The following PALS1 variants were observed in gnomAD, a reference collection of about 807,000 sequenced individuals.
PALS1 encodes protein PALS1.
A neutral mutation model predicts 78.9 loss-of-function variants in PALS1; 31 were observed. That is an observed-to-expected ratio of 0.39 (90% CI 0.30 to 0.53). PALS1 has a LOEUF of 0.53. Among genes scored for constraint, PALS1 ranks in the 20% least tolerant of loss-of-function variants. PALS1 has a pLI of 0.67. For synonymous variants in PALS1, 276 were observed against 270.9 expected (o/e 1.02, Z -0.18); for missense variants, 704 against 826.5 (o/e 0.85, Z 1.82).
intron 3 of PALS1, among the ~76,000 whole-genome samples, chr14:67,286,742 T>C (rs2084694527): frequency 6.6e-6 from 1 of 150,546 alleles, no homozygotes. Flanking sequence ...ACTGTGGTCT[T>C]AGCTACTTGG....
At chr14:67,308,124 T>C (rs946868573) in intron 8 of PALS1, among the ~76,000 whole-genome samples, 2 of 151,800 alleles carry the variant, frequency 1.3e-5, no homozygotes, top group Non-Finnish European at 1.5e-5. Flanking sequence ...AAGTAACTAA[T>C]GGGTACTAGG....
intron 3 of PALS1, 75 bp downstream of exon 3, chr14:67,279,612 A>C (rs2098894116): frequency 1.5e-6 from 2 of 1,334,576 alleles, no homozygotes; most frequent in Non-Finnish European, 2.0e-6. Context: ...TATGAGAAGG[A>C]AGAGGGTTTA....
intron 13 of PALS1, among the ~76,000 whole-genome samples, chr14:67,323,261 G>GTGTGTATATATATATATA (rs1429954753): frequency 4.0e-5 from 5 of 124,140 alleles, no homozygotes; most frequent in African/African-American, 1.4e-4. Flanking sequence ...GTGTGTGTGT[G>GTGTGTATATATATATATA]TATATATATA....
intron 3 of PALS1, among the ~76,000 whole-genome samples, chr14:67,286,617 AG>A (rs2084691802): frequency 6.6e-6 from 1 of 151,890 alleles, no homozygotes; most frequent in African/African-American, 2.4e-5. Context: ...GCACTTTGGG[AG>A]GCCGAGGTGG....
intron 3 of PALS1, among the ~76,000 whole-genome samples, chr14:67,288,847 C>T (rs888442978): frequency 1.1e-4 from 16 of 151,882 alleles, no homozygotes; most frequent in Non-Finnish European, 1.9e-4. Flanking sequence ...ATTCTAATGA[C>T]GGTTTTGACT....
At chr14:67,290,268 A>G (rs1297700863) in intron 3 of PALS1, among the ~76,000 whole-genome samples, 1 of 152,230 alleles carries the variant, frequency 6.6e-6, no homozygotes, top group East Asian at 1.9e-4. Context: ...ACTTTTAAAG[A>G]AAGATCAGGT....
At chr14:67,323,615 A>AAT (rs150511527) in intron 13 of PALS1, 87 bp from the exon 14 acceptor site, 20,558 of 253,736 alleles carry the variant, frequency 0.081, 360 homozygotes, top group African/African-American at 0.11. Context: ...CCCTTAATCT[A>AAT]ATATATATAT....
chr14:67,291,473 C>T lies in PALS1; in HGVS notation c.368-1038C>T, dbSNP rs138138308. Among the ~76,000 whole-genome samples, 423 of 152,150 alleles carry T rather than the reference C, an allele frequency of 2.8e-3. 2 individuals are homozygous for T. Among genetic ancestry groups the T allele is most frequent in the African/African-American group, 9.6e-3 (400 of 41,482 alleles). ...CTAATTTTTGTATTTTTAATAGAGACGGGGTTTTACCATCTTGGCCAGGCT... is the reference window on the plus strand; with the variant it reads ...CTAATTTTTGTATTTTTAATAGAGATGGGGTTTTACCATCTTGGCCAGGCT... On this transcript the variant is annotated intron_variant, in intron 3 of 14. Coordinates refer to ENST00000261681, the MANE Select transcript of PALS1 (RefSeq NM_022474.4).
chr14:67,288,494 C>A (rs1193614075), intron 3 of PALS1, among the ~76,000 whole-genome samples: 1 of 152,168 alleles, frequency 6.6e-6, no homozygotes, highest in African/African-American at 2.4e-5. Flanking sequence ...GAGTTATAGA[C>A]TCCATCTTTA....
chr14:67,249,944 T>G (rs2084042648), intron 1 of PALS1, among the ~76,000 whole-genome samples: 1 of 152,234 alleles, frequency 6.6e-6, no homozygotes, highest in Non-Finnish European at 1.5e-5. Flanking sequence ...GTATCCATAT[T>G]TAGATACTCA....
chr14:67,299,695 C>T (rs1388993737), intron 4 of PALS1, among the ~76,000 whole-genome samples: 2 of 152,070 alleles, frequency 1.3e-5, no homozygotes, highest in Non-Finnish European at 2.9e-5. Context: ...GAATAAGCAA[C>T]ATATAGGTTA....
intron 9 of PALS1, among the ~76,000 whole-genome samples, chr14:67,314,268 A>C (rs1007168817): frequency 1.4e-4 from 21 of 152,214 alleles, no homozygotes; most frequent in African/African-American, 5.1e-4. Context: ...AGTTGTCCAA[A>C]GATTTTAGAA....
chr14:67,321,098 G>A lies in PALS1; in HGVS notation c.1579G>A (p.Asp527Asn). Residue 527 changes from aspartate to asparagine, a missense_variant, in exon 13 of 15, where the codon GAT (aspartate) becomes AAT (asparagine). By Grantham distance (23) the Asp-to-Asn change is conservative (BLOSUM62 1). Transcript: ENST00000261681. ...SRRDQEVAGR[D>N]YHFVSRQAFE... is the part of the protein sequence containing the mutation. The stretch of plus-strand genomic sequence containing the variant: ...GCGAGACCAAGAAGTAGCCGGTAGA[G>A]ATTACCACTTTGTTTCGCGGCAAGC... 6.2e-7 allele frequency: 1 copy of A among 1,614,146 alleles called. No homozygotes were observed. The highest frequency in any genetic ancestry group is 8.5e-7 in the Non-Finnish European group (1 of 1,180,010).
chr14:67,248,667 C>T (rs1462144094), intron 1 of PALS1, among the ~76,000 whole-genome samples: 2 of 152,064 alleles, frequency 1.3e-5, no homozygotes, highest in Admixed American at 6.6e-5. Context: ...ATTTTAGCTT[C>T]GTGGGCCATA....
chr14:67,287,586 T>A lies in PALS1; in HGVS notation c.368-4925T>A, dbSNP rs532767231. On this transcript the variant is annotated intron_variant, in intron 3 of 14. Coordinates refer to ENST00000261681, the MANE Select transcript of PALS1 (RefSeq NM_022474.4). Reference sequence around the variant, plus strand: ...GATTTGTGTTTGTGAGAACAGACATTCATGTGCAACGCTGGTAGGGGTATG... The same window carrying A: ...GATTTGTGTTTGTGAGAACAGACATACATGTGCAACGCTGGTAGGGGTATG... Among the ~76,000 whole-genome samples the A allele has an allele frequency of 2.0e-5, 3 of 152,354 alleles. No individual in the cohort carries two copies. The East Asian group carries it at 5.8e-4, about 29-fold the overall frequency.
Position 67,279,066 on chromosome 14 carries a change from G to GTTTT in PALS1, c.-97_-94dup. ...ATAGCATTATTATGTGATGTGAGAA[G>GTTTT]TTTTTTTTTTTGAAGTAACATGGAT... On this transcript the variant is annotated 5_prime_UTR_variant, in exon 3 of 15. Transcript: ENST00000261681. 1 of 934,160 alleles carries GTTTT rather than the reference G, an allele frequency of 1.1e-6. No homozygotes were observed. Among genetic ancestry groups the GTTTT allele is most frequent in the South Asian group, 2.4e-5 (1 of 41,184 alleles). 57.9% of individuals were successfully genotyped at this position (934,160 alleles called of 1,614,324 possible).
At chr14:67,275,693 A>G (rs2084491895) in intron 2 of PALS1, among the ~76,000 whole-genome samples, 2 of 152,208 alleles carry the variant, frequency 1.3e-5, no homozygotes, top group South Asian at 2.1e-4. Flanking sequence ...TTCAGAAGGA[A>G]TGGTACCAGC....
intron 7 of PALS1, 88 bp from the exon 8 acceptor site, chr14:67,303,434 A>T (rs2084957164): frequency 9.8e-7 from 1 of 1,020,868 alleles, no homozygotes. Flanking sequence ...GTTCTGAAAT[A>T]GTCCAGTTTA....
intron 14 of PALS1, among the ~76,000 whole-genome samples, chr14:67,332,427 A>C (rs1393360656): frequency 6.6e-6 from 1 of 152,246 alleles, no homozygotes; most frequent in Non-Finnish European, 1.5e-5. Context: ...TGTTACTATT[A>C]GGAAGAGGTT....
Sources: gnomAD v4.1 joint callset for allele counts (sites outside exome capture counted in the v4.1 genomes callset) on GRCh38, gnomAD v4.1.1 for gene constraint, MANE v1.5 for transcripts, NCBI Gene and HGNC (gene_info 2026-07-23, HGNC 2026-07-21) for gene names.